The following NME8 variants were observed in gnomAD, a reference collection of about 807,000 sequenced individuals.
NME8 encodes protein NME8.
A neutral mutation model predicts 82.3 loss-of-function variants in NME8; 72 were observed. The ratio of observed to expected loss-of-function variants is 0.87; its 90% CI spans 0.72 to 1.06. The LOEUF (loss-of-function observed/expected upper bound fraction) is 1.06, where lower values mean the gene tolerates loss of function less well. Ranked by LOEUF, NME8 falls within the 50% of genes least tolerant of loss-of-function variation. The pLI is 0.00. For missense variants in NME8, 712 were observed against 685.4 expected (o/e 1.04, Z -0.43); for synonymous variants, 267 against 228.5 (o/e 1.17, Z -1.52).
At chr7:37,892,127 G>GC (rs1356071493) in intron 15 of NME8, among the ~76,000 whole-genome samples, 1 of 151,824 alleles carries the variant, frequency 6.6e-6, no homozygotes, top group Non-Finnish European at 1.5e-5. Context: ...TTCATTGTAA[G>GC]TAATATGGTG....
rs927166564 is a variant in NME8 at position 37,864,070 on chromosome 7, A to T, written c.455-278A>T. Among the ~76,000 whole-genome samples the T allele has an allele frequency of 2.0e-5, 3 of 152,304 alleles. No homozygotes were observed. In the East Asian group the frequency reaches 5.8e-4, roughly 29 times the overall value. On this transcript the variant is annotated intron_variant, in intron 8 of 17. Coordinates refer to ENST00000199447, the MANE Select transcript of NME8 (RefSeq NM_016616.5). ...CCTGTGTGTGATTCTTACGCATGGG[A>T]ATTGCATTCAAACCACCAGGGCCTA...
At chr7:37,871,051 C>T (rs549883723) in intron 11 of NME8, among the ~76,000 whole-genome samples, 1 of 152,312 alleles carries the variant, frequency 6.6e-6, no homozygotes, top group African/African-American at 2.4e-5. Context: ...TATCTCCCAG[C>T]CTGCTCACTC....
At chr7:37,870,494 C>T (rs986319062) in intron 11 of NME8, among the ~76,000 whole-genome samples, 3 of 146,756 alleles carry the variant, frequency 2.0e-5, no homozygotes, top group Admixed American at 1.4e-4. Flanking sequence ...GAGACTGAGA[C>T]AGGAGAATCG....
At position 37,862,204 on chromosome 7, in the gene NME8, C is replaced by T. The variant is rs956510436; in HGVS notation, c.387+60C>T. The T allele has an allele frequency of 1.1e-5, 12 of 1,104,512 alleles. No homozygotes were observed. The Admixed American group carries it at 1.9e-4, about 17-fold the overall frequency. 68.4% of individuals were successfully genotyped at this position (1,104,512 alleles called of 1,614,324 possible). A position where few individuals can be genotyped will look rare whatever the true frequency, so the allele number is the denominator to read the frequency against. The stretch of plus-strand genomic sequence containing the variant: ...GCTTATCATTTAGAGTGAAATAGAA[C>T]AAAATGCACTACTGGTGCTAGGTAC... On this transcript the variant is annotated intron_variant, in intron 7 of 17. Transcript: ENST00000199447.
rs534679328 is a variant in NME8, at chr7:37,865,604, G to A, written c.608G>A (p.Arg203Gln). Residue 203 changes from arginine (R) to glutamine (Q), a missense_variant, in exon 10 of 18, where the codon CGA becomes CAA. By Grantham distance (43) the Arg-to-Gln change is conservative. Coordinates refer to ENST00000199447, the MANE Select transcript of NME8 (RefSeq NM_016616.5). ...TEEQVVNFYS[R>Q]IADQCDFEEF... ...GAACAAGTTGTCAACTTCTATAGTCGAATAGCAGACCAGGTATGAAAGTTA... is the reference window on the plus strand; with the variant it reads ...GAACAAGTTGTCAACTTCTATAGTCAAATAGCAGACCAGGTATGAAAGTTA... The A allele has an allele frequency of 4.6e-5, 74 of 1,608,780 alleles. 1 individual carries two copies. The South Asian group carries it at 5.9e-4, about 13-fold the overall frequency.
At chr7:37,881,577 G>A (rs1251966495) in intron 12 of NME8, among the ~76,000 whole-genome samples, 2 of 152,088 alleles carry the variant, frequency 1.3e-5, no homozygotes, top group East Asian at 1.9e-4. Context: ...AAGAATTTCT[G>A]CTCCTATGTT....
intron 8 of NME8, 88 bp downstream of exon 8, chr7:37,863,550 A>G: frequency 2.5e-6 from 2 of 786,302 alleles, no homozygotes; most frequent in South Asian, 1.4e-5. Context: ...AACACTGGTA[A>G]CAAATCCATG....
intron 5 of NME8, among the ~76,000 whole-genome samples, chr7:37,854,611 A>G (rs528637241): frequency 6.6e-6 from 1 of 152,324 alleles, no homozygotes; most frequent in South Asian, 2.1e-4. Flanking sequence ...GCAGTCTTGA[A>G]TAACTGGAAT....
At chr7:37,849,909 A>G (rs560209582) in intron 2 of NME8, among the ~76,000 whole-genome samples, 1 of 151,514 alleles carries the variant, frequency 6.6e-6, no homozygotes, top group Non-Finnish European at 1.5e-5. Context: ...AATAAGACCT[A>G]GTATTTGCTA....
At chr7:37,871,882 C>T (rs886194219) in intron 11 of NME8, among the ~76,000 whole-genome samples, 3 of 151,806 alleles carry the variant, frequency 2.0e-5, no homozygotes, top group African/African-American at 4.8e-5. Context: ...AAAGTATTTC[C>T]GGGATCAGGG....
intron 7 of NME8, among the ~76,000 whole-genome samples, chr7:37,862,372 C>A (rs1484269305): frequency 6.6e-6 from 1 of 152,086 alleles, no homozygotes; most frequent in East Asian, 1.9e-4. Flanking sequence ...AGCATTTTGG[C>A]AATGCATGTG....
At chr7:37,894,752 C>T in intron 16 of NME8, 142 bp downstream of exon 16, 1 of 883,464 alleles carries the variant, frequency 1.1e-6, no homozygotes, top group South Asian at 1.8e-5. Flanking sequence ...CATGGTTCAT[C>T]TTTTTTCTAT....
chr7:37,855,604 T>C (rs1784499011), intron 5 of NME8, among the ~76,000 whole-genome samples: 1 of 152,172 alleles, frequency 6.6e-6, no homozygotes, highest in East Asian at 1.9e-4. Flanking sequence ...CTTAAAGGCA[T>C]CTGGAAACTT....
intron 7 of NME8, among the ~76,000 whole-genome samples, chr7:37,862,446 T>C (rs1784611029): frequency 6.6e-6 from 1 of 152,176 alleles, no homozygotes; most frequent in Non-Finnish European, 1.5e-5. Flanking sequence ...CAGAAGCATA[T>C]TCATGGCTTC....
At chr7:37,877,790 C>T (rs1031483375) in intron 12 of NME8, among the ~76,000 whole-genome samples, 7 of 152,048 alleles carry the variant, frequency 4.6e-5, no homozygotes, top group African/African-American at 1.7e-4. Context: ...CAGTATCATA[C>T]CCCCCTTCCC....
chr7:37,850,151 T>C (rs1427539506), intron 2 of NME8, 109 bp from the exon 3 acceptor site: 1 of 789,572 alleles, frequency 1.3e-6, no homozygotes, highest in Admixed American at 1.9e-5. Flanking sequence ...ACACCTACTA[T>C]GTACCCACAA....
chr7:37,850,799 A>AGAGG, intron 5 of NME8, 64 bp downstream of exon 5: 1 of 1,028,326 alleles, frequency 9.7e-7, no homozygotes, highest in Non-Finnish European at 1.5e-6. Flanking sequence ...AGTATCCTCT[A>AGAGG]ATACTTTAAG....
intron 12 of NME8, among the ~76,000 whole-genome samples, 190 bp downstream of exon 12, chr7:37,877,197 A>G (rs3778716): frequency 0.02 from 3,069 of 152,314 alleles, 189 homozygotes; most frequent in Admixed American, 0.12. Flanking sequence ...AGAGTTTACA[A>G]GGTATTTTCT....
At chr7:37,861,211 G>A (rs1480909899) in intron 6 of NME8, among the ~76,000 whole-genome samples, 2 of 152,204 alleles carry the variant, frequency 1.3e-5, no homozygotes, top group Non-Finnish European at 2.9e-5. Context: ...CCACCAGGCT[G>A]CGCACAGTTT....
Sources: allele counts gnomAD v4.1 joint callset (sites outside exome capture counted in the v4.1 genomes callset), GRCh38; gene constraint gnomAD v4.1.1; transcripts MANE v1.5; gene names NCBI Gene and HGNC (gene_info 2026-07-23, HGNC 2026-07-21).